The following SLC9A9 variants were observed in gnomAD, a reference collection of about 807,000 sequenced individuals.
The protein encoded by SLC9A9 is solute carrier family 9 member A9.
A neutral mutation model predicts 77.8 loss-of-function variants in SLC9A9; 62 were observed. That is an observed-to-expected ratio of 0.80 (90% CI 0.65 to 0.98). The LOEUF (loss-of-function observed/expected upper bound fraction) is 0.98. Among genes scored for constraint, SLC9A9 ranks in the 50% least tolerant of loss-of-function variants. The probability of loss-of-function intolerance (pLI) is 0.00; values close to 1 mark genes in which losing one functional copy is unlikely to be tolerated. For missense variants in SLC9A9, 775 were observed against 774.9 expected (o/e 1.00, Z 0.00); for synonymous variants, 320 against 283.5 (o/e 1.13, Z -1.29).
intron 9 of SLC9A9, among the ~76,000 whole-genome samples, chr3:143,501,667 T>C (rs1283898433): frequency 6.6e-6 from 1 of 151,020 alleles, no homozygotes; most frequent in African/African-American, 2.5e-5. Context: ...TAGATGGTTG[T>C]TGGCATTTTA....
chr3:143,294,735 C>T (rs919923541), intron 14 of SLC9A9, among the ~76,000 whole-genome samples: 2 of 152,066 alleles, frequency 1.3e-5, no homozygotes, highest in Non-Finnish European at 2.9e-5. Context: ...TCAGTGTTGC[C>T]ATTTTGCAGA....
At chr3:143,317,541 C>T (rs1383301188) in intron 14 of SLC9A9, among the ~76,000 whole-genome samples, 1 of 152,212 alleles carries the variant, frequency 6.6e-6, no homozygotes, top group Non-Finnish European at 1.5e-5. Flanking sequence ...GTGAATTACA[C>T]TTTCCACCCT....
chr3:143,416,726 C>T (rs1210312215), intron 12 of SLC9A9, among the ~76,000 whole-genome samples: 1 of 152,180 alleles, frequency 6.6e-6, no homozygotes, highest in Non-Finnish European at 1.5e-5. Context: ...TGGTTTGGAA[C>T]TGAACCCACA....
chr3:143,576,571 A>G (rs1305427343), intron 7 of SLC9A9, among the ~76,000 whole-genome samples: 1 of 152,134 alleles, frequency 6.6e-6, no homozygotes, highest in Non-Finnish European at 1.5e-5. Flanking sequence ...ACTCACTCTA[A>G]ACAACACCTG....
At chr3:143,755,818 C>A (rs1023267290) in intron 4 of SLC9A9, among the ~76,000 whole-genome samples, 3 of 151,830 alleles carry the variant, frequency 2.0e-5, no homozygotes, top group African/African-American at 7.3e-5. Context: ...TAGATATGTA[C>A]AAATGCATGT....
At chr3:143,698,660 A>G (rs901551620) in intron 4 of SLC9A9, among the ~76,000 whole-genome samples, 5 of 152,316 alleles carry the variant, frequency 3.3e-5, no homozygotes, top group African/African-American at 1.2e-4. Context: ...ATAGTAACTT[A>G]ATCTCAGTAT....
At chr3:143,580,995 T>G (rs1269425139) in intron 6 of SLC9A9, among the ~76,000 whole-genome samples, 1 of 152,212 alleles carries the variant, frequency 6.6e-6, no homozygotes, top group Non-Finnish European at 1.5e-5. Flanking sequence ...ATCAAACACC[T>G]GATATATGCA....
chr3:143,777,801 G>C (rs1224167221), intron 4 of SLC9A9, among the ~76,000 whole-genome samples: 1 of 148,856 alleles, frequency 6.7e-6, no homozygotes, highest in Non-Finnish European at 1.5e-5. Context: ...TGCAACCTCA[G>C]CCTCCCGGGT....
At chr3:143,455,110 G>A (rs1250300608) in intron 12 of SLC9A9, among the ~76,000 whole-genome samples, 1 of 152,160 alleles carries the variant, frequency 6.6e-6, no homozygotes, top group Admixed American at 6.6e-5. Context: ...AAAATGCTGG[G>A]AGTCATCTTA....
intron 9 of SLC9A9, among the ~76,000 whole-genome samples, chr3:143,505,148 G>T (rs542402141): frequency 6.6e-6 from 1 of 151,672 alleles, no homozygotes; most frequent in Non-Finnish European, 1.5e-5. Flanking sequence ...GGCTTGAGGC[G>T]GGGGATACTT....
intron 12 of SLC9A9, among the ~76,000 whole-genome samples, chr3:143,442,683 C>T (rs960727288): frequency 2.0e-5 from 3 of 152,200 alleles, no homozygotes; most frequent in African/African-American, 7.2e-5. Flanking sequence ...GATTGTTGTG[C>T]TACCGCACTC....
intron 6 of SLC9A9, among the ~76,000 whole-genome samples, chr3:143,640,956 G>A (rs1424668391): frequency 3.3e-5 from 5 of 152,162 alleles, no homozygotes; most frequent in African/African-American, 4.8e-5. Context: ...CCATTACACA[G>A]CATAACAACA....
At chr3:143,762,888 A>G (rs183663103) in intron 4 of SLC9A9, among the ~76,000 whole-genome samples, 1 of 152,288 alleles carries the variant, frequency 6.6e-6, no homozygotes, top group African/African-American at 2.4e-5. Flanking sequence ...TTAGAAGTTA[A>G]GCTTTTCATG....
chr3:143,315,808 A>C (rs2031191072), intron 14 of SLC9A9, among the ~76,000 whole-genome samples: 1 of 152,216 alleles, frequency 6.6e-6, no homozygotes. Flanking sequence ...GGGTAAAGCT[A>C]AAATGTGTAT....
At chr3:143,455,541 C>T (rs375805989) in intron 12 of SLC9A9, among the ~76,000 whole-genome samples, 2 of 152,254 alleles carry the variant, frequency 1.3e-5, no homozygotes, top group East Asian at 1.9e-4. Flanking sequence ...TCTTCTAATT[C>T]ATAAACACAG....
chr3:143,820,178 C>T (rs1339732504), intron 2 of SLC9A9, among the ~76,000 whole-genome samples: 1 of 152,212 alleles, frequency 6.6e-6, no homozygotes, highest in Non-Finnish European at 1.5e-5. Flanking sequence ...CCTAAGATCA[C>T]ACAGCTTGTA....
intron 12 of SLC9A9, among the ~76,000 whole-genome samples, chr3:143,424,694 A>G (rs1197301929): frequency 1.3e-5 from 2 of 152,182 alleles, no homozygotes; most frequent in African/African-American, 4.8e-5. Flanking sequence ...TATTTTTCAC[A>G]ATAAAAAGTT....
chr3:143,784,603 C>T (rs1457908582), intron 4 of SLC9A9, among the ~76,000 whole-genome samples: 1 of 151,754 alleles, frequency 6.6e-6, no homozygotes, highest in Non-Finnish European at 1.5e-5. Context: ...AAGTGCTCCA[C>T]CTGCCTCAGC....
At chr3:143,273,341 T>C (rs1268897193) in intron 14 of SLC9A9, among the ~76,000 whole-genome samples, 1 of 152,214 alleles carries the variant, frequency 6.6e-6, no homozygotes, top group African/African-American at 2.4e-5. Context: ...TATTTGGAGA[T>C]GGGGCCTTTG....
Sources: allele counts gnomAD v4.1 joint callset (sites outside exome capture counted in the v4.1 genomes callset), GRCh38; gene constraint gnomAD v4.1.1; transcripts MANE v1.5; gene names NCBI Gene and HGNC (gene_info 2026-07-23, HGNC 2026-07-21).